The following NCOR2 variants were observed in gnomAD, a reference collection of about 807,000 sequenced individuals.
The protein encoded by NCOR2 is CTG repeat protein 26.
A neutral mutation model predicts 262.9 loss-of-function variants in NCOR2; 81 were observed. That is an observed-to-expected ratio of 0.31 (90% CI 0.26 to 0.37). NCOR2 has a LOEUF of 0.37. Among genes scored for constraint, NCOR2 ranks in the 10% least tolerant of loss-of-function variants. The pLI is 1.00. For missense variants in NCOR2, 3,385 were observed against 3,621.4 expected, an observed-to-expected ratio of 0.93 and a Z score of 1.68; for synonymous variants, 1,659 against 1,559.3, an observed-to-expected ratio of 1.06 and a Z score of -1.51.
At chr12:124,402,375 G>A in intron 14 of NCOR2, 29 bp downstream of exon 16, 9 of 1,612,324 alleles carry the variant, frequency 5.6e-6, no homozygotes, top group African/African-American at 1.3e-5. Flanking sequence ...CAGCGGCCGG[G>A]CCCTGCAGGG....
chr12:124,446,028 G>A (rs1044636640), intron 7 of NCOR2, among the ~76,000 whole-genome samples: 1 of 152,226 alleles, frequency 6.6e-6, no homozygotes, highest in Non-Finnish European at 1.5e-5. Context: ...CCACATGGTG[G>A]GACGGGGCCT....
rs565159353 is a variant in NCOR2, at chr12:124,350,116, G to A, written c.3844+471C>T. Among the ~76,000 whole-genome samples the A allele has an allele frequency of 6.6e-4, 100 of 152,252 alleles. 1 individual carries two copies. The highest frequency in any genetic ancestry group is 2.3e-3 in the African/African-American group (97 of 41,568). On this transcript the variant is annotated intron_variant, in intron 28 of 46. Transcript: ENST00000405201. ...CAGGAAATTCTCTTTCCCGGCACTCGATTCCCTTAACTCCTTCCTGGCAGG... is the reference window on the plus strand; with the variant it reads ...CAGGAAATTCTCTTTCCCGGCACTCAATTCCCTTAACTCCTTCCTGGCAGG...
chr12:124,453,948 G>A (rs1203788202), intron 6 of NCOR2, among the ~76,000 whole-genome samples: 5 of 152,210 alleles, frequency 3.3e-5, no homozygotes, highest in South Asian at 2.1e-4. Context: ...GGGGAGGGGC[G>A]TTGGAACTGC....
upstream of NCOR2, among the ~76,000 whole-genome samples, chr12:124,540,120 A>ACC (rs2137208948): frequency 6.7e-6 from 1 of 148,820 alleles, no homozygotes; most frequent in East Asian, 2.1e-4. Context: ...ACACACACAC[A>ACC]CCCAAACACC....
chr12:124,359,723 G>T (rs1207148021), intron 22 of NCOR2, among the ~76,000 whole-genome samples: 2 of 152,264 alleles, frequency 1.3e-5, no homozygotes, highest in Non-Finnish European at 1.5e-5. Flanking sequence ...ACTGGGGCTA[G>T]GCCAGGCTGG....
At chr12:124,373,533 A>G (rs71458838) in intron 19 of NCOR2, among the ~76,000 whole-genome samples, 296 of 8,812 alleles carry the variant, frequency 0.034, 4 homozygotes, top group Middle Eastern at 0.071. Flanking sequence ...GGCACAGTGG[A>G]CAGTGAGGCC....
At chr12:124,346,300 C>A (rs1399249291) in intron 31 of NCOR2, among the ~76,000 whole-genome samples, 1 of 152,204 alleles carries the variant, frequency 6.6e-6, no homozygotes, top group Non-Finnish European at 1.5e-5. Flanking sequence ...CCTTGGAAGC[C>A]TGCCTGGCCT....
intron 1 of NCOR2, among the ~76,000 whole-genome samples, chr12:124,554,309 C>T (rs1269705772): frequency 5.3e-5 from 8 of 152,180 alleles, no homozygotes; most frequent in Admixed American, 4.6e-4. Context: ...TCCAAGGCTC[C>T]GTGCCCTCCC....
At chr12:124,359,211 C>T (rs367702271) in intron 22 of NCOR2, among the ~76,000 whole-genome samples, 43 of 152,344 alleles carry the variant, frequency 2.8e-4, no homozygotes, top group Middle Eastern at 3.4e-3. Context: ...GAGAGATAAC[C>T]GGCCAAGAAG....
intron 8 of NCOR2, among the ~76,000 whole-genome samples, chr12:124,434,523 C>A (rs554864510): frequency 6.6e-6 from 1 of 152,228 alleles, no homozygotes; most frequent in African/African-American, 2.4e-5. Flanking sequence ...CAAGGAGCCA[C>A]TGGCGATCTT....
chr12:124,559,697 GA>G (rs557171684), intron 1 of NCOR2, among the ~76,000 whole-genome samples: 2 of 151,852 alleles, frequency 1.3e-5, no homozygotes, highest in African/African-American at 4.8e-5. Flanking sequence ...AGGGCAAAGG[GA>G]AAAAAAATGA....
At chr12:124,446,707 G>A (rs560566778) in intron 7 of NCOR2, among the ~76,000 whole-genome samples, 1 of 152,216 alleles carries the variant, frequency 6.6e-6, no homozygotes, top group South Asian at 2.1e-4. Context: ...TTTAAAAAAT[G>A]AATGACTGCA....
At chr12:124,520,993 G>A (rs1339489935) in intron 1 of NCOR2, among the ~76,000 whole-genome samples, 1 of 152,238 alleles carries the variant, frequency 6.6e-6, no homozygotes, top group African/African-American at 2.4e-5. Flanking sequence ...AGTGGCCCCA[G>A]GCAAGGCCCC....
intron 17 of NCOR2, among the ~76,000 whole-genome samples, chr12:124,384,507 CCG>C (rs768038912): frequency 2.0e-5 from 3 of 152,134 alleles, no homozygotes; most frequent in Non-Finnish European, 2.9e-5. Flanking sequence ...GACCACAGGG[CCG>C]TGGGACCGTG....
intron 22 of NCOR2, among the ~76,000 whole-genome samples, chr12:124,359,577 A>G (rs2038347935): frequency 6.6e-6 from 1 of 152,344 alleles, no homozygotes; most frequent in Admixed American, 6.5e-5. Context: ...GGCCTGCCTC[A>G]CATCTGGAGA....
chr12:124,389,505 C>G lies in NCOR2; in HGVS notation c.1877-3618G>C, dbSNP rs1019125904. On this transcript the variant is annotated intron_variant, in intron 16 of 46. Transcript: ENST00000405201. This position sits in a 1 kb window ranked among gnomAD's most constrained non-coding sequence, Gnocchi z 4.4. ...AGATGAGGGTTCCAGAAAAACAGAGCTTCTCCACCCCCGGCAGACAGGGAG... is the reference window on the plus strand; with the variant it reads ...AGATGAGGGTTCCAGAAAAACAGAGGTTCTCCACCCCCGGCAGACAGGGAG... Among the ~76,000 whole-genome samples the G allele has an allele frequency of 1.3e-5, 2 of 152,190 alleles. No homozygotes were observed. The highest frequency in any genetic ancestry group is 4.8e-5 in the African/African-American group (2 of 41,432).
intron 3 of NCOR2, among the ~76,000 whole-genome samples, chr12:124,473,878 T>G (rs2046956787): frequency 6.6e-6 from 1 of 152,168 alleles, no homozygotes; most frequent in Non-Finnish European, 1.5e-5. Context: ...CCCAGAGTCC[T>G]GGACATCTGT....
chr12:124,348,209 C>T (rs770110676), exon 29 of NCOR2: 16 of 1,612,454 alleles, frequency 9.9e-6, no homozygotes, highest in East Asian at 4.5e-5. Context: ...TCTGCCCACG[C>T]GGCCCTCCAT....
intron 1 of NCOR2, among the ~76,000 whole-genome samples, chr12:124,502,610 T>C (rs1192803447): frequency 2.0e-5 from 3 of 151,760 alleles, no homozygotes; most frequent in African/African-American, 7.3e-5. Context: ...GAGGCCTGGA[T>C]GGGGAGAGTG....
Sources: gnomAD v4.1 joint callset for allele counts (sites outside exome capture counted in the v4.1 genomes callset) on GRCh38, gnomAD v4.1.1 for gene constraint, Gnocchi (gnomAD v3.1) non-coding constraint, MANE v1.5 for transcripts, NCBI Gene and HGNC (gene_info 2026-07-23, HGNC 2026-07-21) for gene names.